AARSD1: variants seen among roughly 807,000 people sequenced by gnomAD.
AARSD1 encodes the protein alanyl-tRNA synthetase domain containing 1.
AARSD1 carries 44 observed loss-of-function variants against 48.7 expected under a neutral mutation model. That is an observed-to-expected ratio of 0.90 (90% CI 0.71 to 1.16). The LOEUF is 1.16. Among genes scored for constraint, AARSD1 ranks in the 50% most tolerant of loss-of-function variants. AARSD1 has a pLI of 0.00. For missense variants in AARSD1, 511 were observed against 523.1 expected, an observed-to-expected ratio of 0.98 and a Z score of 0.23; for synonymous variants, 189 against 194.9, an observed-to-expected ratio of 0.97 and a Z score of 0.25.
At position 42,956,466 on chromosome 17, in the gene AARSD1, T is replaced by C. The variant is rs202244343; in HGVS notation, c.484A>G (p.Ile162Val). 239 of 1,613,972 alleles carry C rather than the reference T, an allele frequency of 1.5e-4. 3 individuals carry two copies. The Admixed American group carries it at 3.8e-3, about 26-fold the overall frequency. The part of the protein sequence containing the change: ...AAIEQSVNEK[I>V]RDRLPVNVRE... ...ACATTCACAGGCAGCCGATCTCTGA[T>C]TTTTTCATTGACGCTCTGCTCAATG... Residue 162 changes from isoleucine (I) to valine (V), a missense_variant, in exon 5 of 12, where the codon ATC becomes GTC. Coordinates refer to ENST00000427569, the MANE Select transcript of AARSD1 (RefSeq NM_001261434.2).
intron 3 of AARSD1, among the ~76,000 whole-genome samples, chr17:42,958,659 C>T (rs967471961): frequency 4.0e-5 from 6 of 150,560 alleles, no homozygotes; most frequent in Non-Finnish European, 7.4e-5. Context: ...CAACCTCTGC[C>T]TCTCGGGTTC....
chr17:42,963,387 C>T (rs374611969), intron 2 of AARSD1, among the ~76,000 whole-genome samples: 1 of 149,378 alleles, frequency 6.7e-6, no homozygotes, highest in Non-Finnish European at 1.5e-5. Context: ...CTGATGACAG[C>T]GAGAGATTCT....
chr17:42,956,436 C>A lies in AARSD1; in HGVS notation c.514G>T (p.Glu172Ter), dbSNP rs752332661. Residue 172 changes from glutamate (E) to a stop codon, truncating the protein, a stop_gained, in exon 5 of 12, where the codon GAA becomes TAA. Transcript: ENST00000427569. LOFTEE classifies it high-confidence loss of function. ...IRDRLPVNVRELSLDDPEVEQ... is the reference protein window; with the variant it reads ...IRDRLPVNVR ...ACCTCAGGATCATCCAGGCTCAGTT[C>A]TCGGACATTCACAGGCAGCCGATCT... is the stretch of plus-strand genomic sequence containing the variant. 6.2e-7 allele frequency: 1 copy of A among 1,614,056 alleles called. No individual in the cohort carries two copies. Among genetic ancestry groups the A allele is most frequent in the Non-Finnish European group, 8.5e-7 (1 of 1,180,026 alleles).
rs1477135141 is a variant in AARSD1 at position 42,961,365 on chromosome 17, G to A, written c.172-14C>T. On this transcript the variant is annotated splice_polypyrimidine_tract_variant and intron_variant, in intron 2 of 11. Transcript: ENST00000427569. ...ACGGTCATCAGGCTGGTGGAAATAA[G>A]TAAACGTAATCAATGGCAAGGCAGG... 1 of 1,613,868 alleles carries A rather than the reference G, an allele frequency of 6.2e-7. No homozygotes were observed. The highest frequency in any genetic ancestry group is 8.5e-7 in the Non-Finnish European group (1 of 1,179,948).
intron 3 of AARSD1, among the ~76,000 whole-genome samples, chr17:42,958,291 A>G (rs896528298): frequency 6.6e-6 from 1 of 152,066 alleles, no homozygotes; most frequent in Non-Finnish European, 1.5e-5. Flanking sequence ...CATGAGGTCA[A>G]GAGTTTGAGA....
chr17:42,954,775 G>C, intron 9 of AARSD1, 101 bp downstream of exon 9: 1 of 1,318,624 alleles, frequency 7.6e-7, no homozygotes, highest in South Asian at 1.2e-5. Context: ...GAGAATACCA[G>C]TGAGCAATCC....
chr17:42,954,472 T>C (rs2049520383), intron 9 of AARSD1, among the ~76,000 whole-genome samples: 1 of 152,064 alleles, frequency 6.6e-6, no homozygotes, highest in Non-Finnish European at 1.5e-5. Context: ...CTCACTCTGT[T>C]GGTCCAGGCC....
chr17:42,952,479 G>A (rs112111755), intron 10 of AARSD1, among the ~76,000 whole-genome samples: 10 of 152,286 alleles, frequency 6.6e-5, no homozygotes, highest in African/African-American at 2.2e-4. Context: ...TTTACCCACA[G>A]TAGGCATTCC....
At chr17:42,963,711 T>A (rs1032062419) in intron 2 of AARSD1, among the ~76,000 whole-genome samples, 2 of 152,110 alleles carry the variant, frequency 1.3e-5, no homozygotes, top group South Asian at 2.1e-4. Flanking sequence ...CCAGCACCAC[T>A]AGATAATTGC....
intron 3 of AARSD1, chr17:42,960,938 C>T (rs773172616): frequency 2.8e-5 from 13 of 460,834 alleles, no homozygotes; most frequent in South Asian, 1.2e-4. Flanking sequence ...GGCTGTGAGA[C>T]ATCCAGATGG....
rs1343728367 is a variant in AARSD1, at chr17:42,956,250, G to A, written c.617C>T (p.Ser206Phe). 1 of 1,614,064 alleles carries A rather than the reference G, an allele frequency of 6.2e-7. No individual in the cohort carries two copies. Among genetic ancestry groups the A allele is most frequent in the Non-Finnish European group, 8.5e-7 (1 of 1,180,042 alleles). The change falls in exon 6 of 12, where the codon TCC (serine) becomes TTC (phenylalanine). Residue 206 changes from serine (S) to phenylalanine (F), a missense_variant. Transcript: ENST00000427569. ...CACATGGGTCCCACAGCACATGTTG[G>A]AATCAACGCCCTCGATGTTAACAAC... Reference protein sequence around the residue: ...IRVVNIEGVDSNMCCGTHVSN... With the variant: ...IRVVNIEGVDFNMCCGTHVSN...
intron 3 of AARSD1, among the ~76,000 whole-genome samples, chr17:42,959,774 CTG>C (rs2049607604): frequency 6.6e-6 from 1 of 151,848 alleles, no homozygotes; most frequent in South Asian, 2.1e-4. Context: ...AGCGATTCTC[CTG>C]TGTCAGCCTC....
Position 42,956,432 on chromosome 17 carries a change from A to G in AARSD1, c.518T>C (p.Leu173Pro), listed in dbSNP as rs1202205949. The change falls in exon 5 of 12, where the codon CTG becomes CCG. Residue 173 changes from leucine to proline, a missense_variant. By Grantham distance (98) the Leu-to-Pro change is moderately conservative. Transcript: ENST00000427569. ...CTCCACCTCAGGATCATCCAGGCTCAGTTCTCGGACATTCACAGGCAGCCG... is the reference window on the plus strand; with the variant it reads ...CTCCACCTCAGGATCATCCAGGCTCGGTTCTCGGACATTCACAGGCAGCCG... ...RDRLPVNVRE[L>P]SLDDPEVEQV... 1 of 1,614,034 alleles carries G rather than the reference A, an allele frequency of 6.2e-7. No homozygotes were observed. Among genetic ancestry groups the G allele is most frequent in the African/African-American group, 1.3e-5 (1 of 74,994 alleles).
chr17:42,963,393 A>T (rs2049665252), intron 2 of AARSD1, among the ~76,000 whole-genome samples: 1 of 150,956 alleles, frequency 6.6e-6, no homozygotes, highest in Admixed American at 6.6e-5. Context: ...ACAGCGAGAG[A>T]TTCTGTCTCA....
At chr17:42,957,334 A>T in intron 3 of AARSD1, 139 bp from the exon 4 acceptor site, 1 of 1,023,512 alleles carries the variant, frequency 9.8e-7, no homozygotes, top group Non-Finnish European at 1.4e-6. Context: ...TACACTTTAG[A>T]TACTTTATTG....
At chr17:42,954,444 A>G (rs1388378426) in intron 9 of AARSD1, among the ~76,000 whole-genome samples, 3 of 143,700 alleles carry the variant, frequency 2.1e-5, no homozygotes, top group African/African-American at 7.7e-5. Flanking sequence ...TTTTTTTTTT[A>G]TATTTTTGAG....
At chr17:42,959,692 T>C (rs568893462) in intron 3 of AARSD1, among the ~76,000 whole-genome samples, 107 of 146,912 alleles carry the variant, frequency 7.3e-4, no homozygotes, top group Middle Eastern at 7.0e-3. Context: ...TGAGATGGAG[T>C]CTCGCTCTGT....
intron 9 of AARSD1, 77 bp downstream of exon 9, chr17:42,954,799 C>A: frequency 2.7e-6 from 4 of 1,466,580 alleles, no homozygotes; most frequent in Non-Finnish European, 3.8e-6. Context: ...TCCCACTGTA[C>A]ATTGCATATA....
In AARSD1 at chr17:42,956,417, G is replaced by A. The variant is rs770831851; in HGVS notation, c.533C>T (p.Pro178Leu). 2 of 1,613,988 alleles carry A rather than the reference G, an allele frequency of 1.2e-6. No individual in the cohort carries two copies. Among genetic ancestry groups the A allele is most frequent in the African/African-American group, 1.3e-5 (1 of 74,986 alleles). Reference protein sequence around the residue: ...VNVRELSLDDPEVEQVSGRGL... With the variant: ...VNVRELSLDDLEVEQVSGRGL... The stretch of plus-strand genomic sequence containing the variant: ...CTCTACCCTTACCTGCTCCACCTCA[G>A]GATCATCCAGGCTCAGTTCTCGGAC... The change falls in exon 5 of 12, where the codon CCT (proline) becomes CTT (leucine). Residue 178 changes from proline (P) to leucine (L), a missense_variant. Physicochemically the swap from Pro to Leu is moderately conservative, Grantham distance 98 (BLOSUM62 -3). Transcript: ENST00000427569.
Sources: allele counts gnomAD v4.1 joint callset (sites outside exome capture counted in the v4.1 genomes callset), GRCh38; gene constraint gnomAD v4.1.1; transcripts MANE v1.5; gene names NCBI Gene and HGNC (gene_info 2026-07-23, HGNC 2026-07-21).